Variants in GRIN3A observed in about 807,000 individuals in gnomAD.
GRIN3A encodes the protein glutamate ionotropic receptor NMDA type subunit 3A, also known as glutamate receptor ionotropic, NMDA 3A.
Under a neutral mutation model 92.4 loss-of-function variants are expected in GRIN3A, and 47 were observed. The ratio of observed to expected loss-of-function variants is 0.51; its 90% CI spans 0.40 to 0.65. The LOEUF is 0.65. Among genes scored for constraint, GRIN3A ranks in the 30% least tolerant of loss-of-function variants. The pLI is 0.00. For missense variants in GRIN3A, 1,324 were observed against 1,393.1 expected (o/e 0.95, Z 0.79); for synonymous variants, 527 against 540.6 (o/e 0.97, Z 0.35).
intron 2 of GRIN3A, among the ~76,000 whole-genome samples, chr9:101,671,723 T>C (rs967266563): frequency 1.4e-4 from 22 of 152,178 alleles, no homozygotes; most frequent in African/African-American, 5.3e-4. Flanking sequence ...AAGCTGCATG[T>C]TGGATCTCAT....
At chr9:101,694,417 A>C (rs1829656059) in intron 1 of GRIN3A, among the ~76,000 whole-genome samples, 2 of 152,148 alleles carry the variant, frequency 1.3e-5, no homozygotes, top group Non-Finnish European at 2.9e-5. Flanking sequence ...TGTCGGGCAT[A>C]ACAGGTTGAT....
chr9:101,726,275 G>A (rs2119036056), intron 1 of GRIN3A, among the ~76,000 whole-genome samples: 2 of 152,330 alleles, frequency 1.3e-5, no homozygotes, highest in East Asian at 3.9e-4. Context: ...GTCAGGCTAA[G>A]TCCTATCATA....
intron 1 of GRIN3A, among the ~76,000 whole-genome samples, chr9:101,695,361 T>C (rs1829672401): frequency 6.6e-6 from 1 of 152,150 alleles, no homozygotes; most frequent in Non-Finnish European, 1.5e-5. Context: ...GGCAGTATTA[T>C]CAGCACCAAG....
rs773403155 is a variant in GRIN3A at position 101,737,608 on chromosome 9, T to A, written c.372A>T (p.Pro124=). 1.9e-6 allele frequency: 3 copies of A among 1,613,504 alleles called. No homozygotes were observed. The highest frequency in any genetic ancestry group is 2.5e-6 in the Non-Finnish European group (3 of 1,179,992). ...GEGARAEALW[P]RDALLFAVDN... ...CCACGGCAAATAGGAGGGCGTCCCG[T>A]GGCCACAGGGCCTCCGCCCTGGCGC... The change falls in exon 1 of 9, where the codon CCA becomes CCT. Residue 124 remains proline, a synonymous_variant. Coordinates refer to ENST00000361820, the MANE Select transcript of GRIN3A (RefSeq NM_133445.3).
intron 1 of GRIN3A, among the ~76,000 whole-genome samples, chr9:101,736,238 T>C (rs1830204431): frequency 6.6e-6 from 1 of 152,232 alleles, no homozygotes; most frequent in South Asian, 2.1e-4. Flanking sequence ...CTTTTCTCAG[T>C]TTCTCAGTCG....
At position 101,573,421 on chromosome 9, in the gene GRIN3A, C is replaced by T; in HGVS notation, c.3101G>A (p.Gly1034Glu). 1 of 1,614,000 alleles carries T rather than the reference C, an allele frequency of 6.2e-7. No individual in the cohort carries two copies. Residue 1034 changes from glycine to glutamate, a missense_variant, in exon 9 of 9, where the codon GGA becomes GAA. Coordinates refer to ENST00000361820, the MANE Select transcript of GRIN3A (RefSeq NM_133445.3). ...GATCCGGATGCCCAGCTGGTTTTGT[C>T]CTTCCTCATCACTAAAGATGTATTT... ...RRKYIFSDEE[G>E]QNQLGIRIHQ...
In GRIN3A at chr9:101,586,034, T is replaced by A. The variant is rs371224544; in HGVS notation, c.2767-6674A>T. On this transcript the variant is annotated intron_variant, in intron 6 of 8. Transcript: ENST00000361820. ...ACTTGAGGGTATTTTCATTTTCTGT[T>A]CGTGCCTGTAAACTCTTCTGCCAGG... 5.3e-5 allele frequency among the ~76,000 whole-genome samples: 8 copies of A among 152,342 alleles called. No homozygotes were observed. In the East Asian group the frequency reaches 1.5e-3, roughly 29 times the overall value.
intron 3 of GRIN3A, among the ~76,000 whole-genome samples, chr9:101,629,780 T>C (rs1828688343): frequency 6.6e-6 from 1 of 152,214 alleles, no homozygotes; most frequent in Non-Finnish European, 1.5e-5. Context: ...GAGGGCACTG[T>C]TGTTACTTCC....
chr9:101,699,311 T>C (rs1340268336), intron 1 of GRIN3A, among the ~76,000 whole-genome samples: 1 of 152,110 alleles, frequency 6.6e-6, no homozygotes, highest in Admixed American at 6.5e-5. Context: ...TCATTGCCCA[T>C]GATAAAAATG....
rs745467708 is a variant in GRIN3A, at chr9:101,737,591, A to G, written c.389T>C (p.Phe130Ser). The G allele has an allele frequency of 1.5e-5, 25 of 1,613,898 alleles. No homozygotes were observed. The highest frequency in any genetic ancestry group is 2.0e-5 in the Non-Finnish European group (24 of 1,180,020). ...CACGCGGTTCAGGTTGTCCACGGCAAATAGGAGGGCGTCCCGTGGCCACAG... is the reference window on the plus strand; with the variant it reads ...CACGCGGTTCAGGTTGTCCACGGCAGATAGGAGGGCGTCCCGTGGCCACAG... ...EALWPRDALL[F>S]AVDNLNRVEG... The change falls in exon 1 of 9, where the codon TTT becomes TCT. Residue 130 changes from phenylalanine to serine, a missense_variant. Transcript: ENST00000361820.
At chr9:101,601,124 A>C (rs1254994086) in intron 6 of GRIN3A, 1 of 152,210 alleles carries the variant, frequency 6.6e-6, no homozygotes, top group Non-Finnish European at 1.5e-5. Flanking sequence ...ATCCTGAGGG[A>C]GAAAAGGGAA....
At chr9:101,636,485 C>T (rs1248821538) in intron 3 of GRIN3A, among the ~76,000 whole-genome samples, 1 of 152,108 alleles carries the variant, frequency 6.6e-6, no homozygotes, top group Non-Finnish European at 1.5e-5. Context: ...AGCTATTAAG[C>T]AACTTGCTCA....
At chr9:101,628,527 C>CATGT in intron 3 of GRIN3A, 126 bp from the exon 4 acceptor site, 1 of 879,004 alleles carries the variant, frequency 1.1e-6, no homozygotes, top group South Asian at 1.6e-5. Context: ...CAGGCAGAAA[C>CATGT]ATGTACATAG....
intron 2 of GRIN3A, among the ~76,000 whole-genome samples, chr9:101,676,609 GA>G (rs1187176711): frequency 2.0e-5 from 3 of 151,578 alleles, no homozygotes; most frequent in African/African-American, 7.3e-5. Flanking sequence ...GCCTGATTAG[GA>G]ATCTTTAAGA....
Position 101,685,347 on chromosome 9 carries a change from T to C in GRIN3A, c.1304+1249A>G, listed in dbSNP as rs1046434787. 1.7e-4 allele frequency among the ~76,000 whole-genome samples: 26 copies of C among 148,848 alleles called. 1 individual carries two copies. Among genetic ancestry groups the C allele is most frequent in the Admixed American group, 1.6e-3 (24 of 14,588 alleles). ...TTTTTTGAGACGGAGTCTCGCTGTG[T>C]TGCCCATTATCATGTCTTTTTTAAA... On this transcript the variant is annotated intron_variant, in intron 2 of 8. Transcript: ENST00000361820.
chr9:101,714,954 G>A (rs1795991609), intron 1 of GRIN3A, among the ~76,000 whole-genome samples: 2 of 152,076 alleles, frequency 1.3e-5, no homozygotes, highest in Non-Finnish European at 2.9e-5. Context: ...TGATATCTAA[G>A]TGAGTTTATT....
At position 101,693,384 on chromosome 9, in the gene GRIN3A, A is replaced by C. The variant is rs1436575351; in HGVS notation, c.700-6184T>G. 2.6e-5 allele frequency among the ~76,000 whole-genome samples: 4 copies of C among 151,778 alleles called. No individual in the cohort carries two copies. In the East Asian group the frequency reaches 7.7e-4, roughly 29 times the overall value. ...CAGTGAGTCAAGATTGTGCCACTGCACTTCAGCCTGGGTGCAGAGTGAGAC... is the reference window on the plus strand; with the variant it reads ...CAGTGAGTCAAGATTGTGCCACTGCCCTTCAGCCTGGGTGCAGAGTGAGAC... On this transcript the variant is annotated intron_variant, in intron 1 of 8. Coordinates refer to ENST00000361820, the MANE Select transcript of GRIN3A (RefSeq NM_133445.3).
At chr9:101,614,991 G>A (rs1232822202) in intron 5 of GRIN3A, among the ~76,000 whole-genome samples, 2 of 151,914 alleles carry the variant, frequency 1.3e-5, no homozygotes, top group Non-Finnish European at 2.9e-5. Context: ...GCAGGGCAAG[G>A]GAGGCAGGGG....
intron 6 of GRIN3A, among the ~76,000 whole-genome samples, chr9:101,584,283 C>T (rs1827923388): frequency 6.6e-6 from 1 of 152,164 alleles, no homozygotes; most frequent in African/African-American, 2.4e-5. Context: ...AAAAAATTGC[C>T]TTGCTCATGT....
Sources: allele counts gnomAD v4.1 joint callset (sites outside exome capture counted in the v4.1 genomes callset), GRCh38; gene constraint gnomAD v4.1.1; transcripts MANE v1.5; gene names NCBI Gene and HGNC (gene_info 2026-07-23, HGNC 2026-07-21).